DNA2: variants seen among roughly 807,000 people sequenced by gnomAD.
The protein encoded by DNA2 is DNA replication helicase/nuclease 2, also known as DNA replication ATP-dependent helicase/nuclease DNA2.
A neutral mutation model predicts 119.1 loss-of-function variants in DNA2; 101 were observed. The observed-to-expected ratio is 0.85, with a 90% confidence interval of 0.72 to 1.00. DNA2 has a LOEUF of 1.00. DNA2 is among the 50% of genes least tolerant of loss of function. The pLI is 0.00. For synonymous variants in DNA2, 366 were observed against 424.4 expected (o/e 0.86, Z 1.69); for missense variants, 1,121 against 1,255.5 (o/e 0.89, Z 1.62).
intron 5 of DNA2, among the ~76,000 whole-genome samples, chr10:68,452,301 G>A (rs1432204081): frequency 2.0e-5 from 3 of 152,032 alleles, no homozygotes; most frequent in African/African-American, 4.8e-5. Context: ...GCAACATGGT[G>A]AACTCAACCA....
At position 68,450,111 on chromosome 10, in the gene DNA2, G is replaced by C. The variant is rs1398180154; in HGVS notation, c.856C>G (p.Arg286Gly). ...IDVTVGVKIHRGYKTKYKIMP... is the reference protein window; with the variant it reads ...IDVTVGVKIHGGYKTKYKIMP... ...ATCTTGTATTTTGTTTTATACCCTCGATGTATTTTCACACCAACTGTAACA... is the reference window on the plus strand; with the variant it reads ...ATCTTGTATTTTGTTTTATACCCTCCATGTATTTTCACACCAACTGTAACA... The change falls in exon 6 of 21, where the codon CGA (arginine) becomes GGA (glycine). Residue 286 changes from arginine to glycine, a missense_variant. Arg to Gly is a moderately radical substitution (Grantham distance 125, BLOSUM62 -2). Transcript: ENST00000358410. The C allele has an allele frequency of 6.2e-7, 1 of 1,604,240 alleles. No individual in the cohort carries two copies. The highest frequency in any genetic ancestry group is 8.5e-7 in the Non-Finnish European group (1 of 1,174,854).
chr10:68,420,561 C>G (rs2051651240), intron 17 of DNA2, among the ~76,000 whole-genome samples: 1 of 150,980 alleles, frequency 6.6e-6, no homozygotes, highest in South Asian at 2.1e-4. Flanking sequence ...AAACTTAGAT[C>G]TGGGTCGTAT....
chr10:68,437,113 C>A lies in DNA2; in HGVS notation c.1544G>T (p.Gly515Val). The A allele has an allele frequency of 1.2e-6, 2 of 1,613,950 alleles. No individual in the cohort carries two copies. Among genetic ancestry groups the A allele is most frequent in the Non-Finnish European group, 1.7e-6 (2 of 1,179,882 alleles). The change falls in exon 10 of 21, where the codon GGT (glycine) becomes GTT (valine). Residue 515 changes from glycine (G) to valine (V), a missense_variant. Coordinates refer to ENST00000358410, the MANE Select transcript of DNA2 (RefSeq NM_001080449.3). ...TTCTCCACTTACAATAACTCTGTCA[C>A]CTGCCATTAGATTTGTGACAGGTAT... ...GAIPVTNLMA[G>V]DRVIVSGEER... is the part of the protein sequence containing the mutation.
chr10:68,446,270 TA>T (rs1458900914), intron 7 of DNA2, 25 bp downstream of exon 7: 9 of 1,321,996 alleles, frequency 6.8e-6, no homozygotes, highest in Non-Finnish European at 9.3e-6. Context: ...GGCAAAGAAG[TA>T]AAACTAAAAA....
chr10:68,427,917 T>C (rs924962963), intron 14 of DNA2, among the ~76,000 whole-genome samples: 14 of 150,232 alleles, frequency 9.3e-5, no homozygotes, highest in African/African-American at 3.4e-4. Flanking sequence ...CCTGTAATCC[T>C]AGCTACTCAG....
chr10:68,440,138 TA>T (rs2051948335), intron 9 of DNA2, among the ~76,000 whole-genome samples: 1 of 151,084 alleles, frequency 6.6e-6, no homozygotes, highest in Non-Finnish European at 1.5e-5. Context: ...ACCCCGTCTC[TA>T]CTAAAAATAC....
intron 10 of DNA2, among the ~76,000 whole-genome samples, chr10:68,436,376 A>G (rs2051888527): frequency 6.6e-6 from 1 of 152,232 alleles, no homozygotes; most frequent in East Asian, 1.9e-4. Context: ...GGATGAATCC[A>G]TACAGAAAGA....
intron 8 of DNA2, among the ~76,000 whole-genome samples, chr10:68,444,051 G>A (rs1269354757): frequency 6.6e-6 from 1 of 152,160 alleles, no homozygotes; most frequent in Non-Finnish European, 1.5e-5. Context: ...GAGGTCAGGA[G>A]TTCAAGACCA....
intron 5 of DNA2, among the ~76,000 whole-genome samples, chr10:68,452,685 C>T (rs1457411606): frequency 6.6e-6 from 1 of 151,674 alleles, no homozygotes; most frequent in East Asian, 1.9e-4. Flanking sequence ...GATCCTCCCG[C>T]CTCAGCCTTT....
chr10:68,446,171 A>C (rs1193820609), intron 7 of DNA2, 125 bp downstream of exon 7: 10 of 595,442 alleles, frequency 1.7e-5, no homozygotes, highest in Non-Finnish European at 2.6e-5. Context: ...AACAAAAAAA[A>C]CCCACAGCTA....
rs1273986626 is a variant in DNA2, at chr10:68,416,631, G to C, written c.3114+78C>G. 9 of 1,424,022 alleles carry C rather than the reference G, an allele frequency of 6.3e-6. No homozygotes were observed. In the Admixed American group the frequency reaches 1.6e-4, roughly 25 times the overall value. 88.2% of individuals were successfully genotyped at this position (1,424,022 alleles called of 1,614,324 possible). On this transcript the variant is annotated intron_variant, in intron 20 of 20. Coordinates refer to ENST00000358410, the MANE Select transcript of DNA2 (RefSeq NM_001080449.3). ...AAGACCAGCTTAAGCAACATAGTGA[G>C]AGCTTTAATTTAAACAAGCAAATAA...
intron 19 of DNA2, among the ~76,000 whole-genome samples, chr10:68,418,216 C>T (rs1015158597): frequency 6.6e-6 from 1 of 152,018 alleles, no homozygotes; most frequent in African/African-American, 2.4e-5. Flanking sequence ...GAGTTCGAGA[C>T]CAGCCTGGAC....
chr10:68,427,800 A>G lies in DNA2; in HGVS notation c.2208+2636T>C, dbSNP rs533709570. Among the ~76,000 whole-genome samples, 722 of 151,978 alleles carry G rather than the reference A, an allele frequency of 4.8e-3. 12 individuals are homozygous for G. Among genetic ancestry groups the G allele is most frequent in the African/African-American group, 0.017 (689 of 41,466 alleles). ...TCTAATCCCAGCACTTTGGGAGGCC[A>G]AGGCGGGTGGATCACGAGGTCGGGA... is the stretch of plus-strand genomic sequence containing the variant. On this transcript the variant is annotated intron_variant, in intron 14 of 20. Transcript: ENST00000358410.
rs376913588 is a variant in DNA2, at chr10:68,460,536, T to C, written c.588-1301A>G. Among the ~76,000 whole-genome samples, 7 of 151,484 alleles carry C rather than the reference T, an allele frequency of 4.6e-5. No homozygotes were observed. The East Asian group carries it at 1.2e-3, about 25-fold the overall frequency. On this transcript the variant is annotated intron_variant, in intron 4 of 20. Transcript: ENST00000358410. ...GATGCTCCTGCCTCAGTCCCCTGAG[T>C]AGCTGGAACCATAGACATATGACAC...
chr10:68,448,887 C>T (rs1422731038), intron 6 of DNA2, among the ~76,000 whole-genome samples: 1 of 152,230 alleles, frequency 6.6e-6, no homozygotes, highest in East Asian at 1.9e-4. Context: ...GAGCAATTCT[C>T]AGCCTCCCGA....
chr10:68,424,675 G>A lies in DNA2; in HGVS notation c.2209-1785C>T, dbSNP rs1026414022. 27 of 1,606,732 alleles carry A rather than the reference G, an allele frequency of 1.7e-5. No homozygotes were observed. In the Admixed American group the frequency reaches 2.3e-4, roughly 14 times the overall value. On this transcript the variant is annotated intron_variant, in intron 14 of 20. Coordinates refer to ENST00000358410, the MANE Select transcript of DNA2 (RefSeq NM_001080449.3). ...TCATCCCCGCTCTCCAAGGAGCTGC[G>A]GCAGAAGTACAATGTCCGCTCCACA... is the stretch of plus-strand genomic sequence containing the variant.
chr10:68,442,835 T>G (rs1029907803), intron 9 of DNA2, 82 bp downstream of exon 9: 2 of 1,157,804 alleles, frequency 1.7e-6, no homozygotes, highest in Admixed American at 5.5e-5. Context: ...CTTCATAACT[T>G]GTATTTGTCA....
chr10:68,420,250 T>A (rs1327606780), intron 17 of DNA2, among the ~76,000 whole-genome samples: 1 of 152,094 alleles, frequency 6.6e-6, no homozygotes, highest in Non-Finnish European at 1.5e-5. Context: ...CTATTTGAAC[T>A]TAGGGTGGCC....
chr10:68,424,709 C>A, intron 14 of DNA2: 3 of 1,603,906 alleles, frequency 1.9e-6, no homozygotes, highest in Non-Finnish European at 2.6e-6. Context: ...CACCCATCCG[C>A]AAGGACGACG....
Sources: gnomAD v4.1 joint callset for allele counts (sites outside exome capture counted in the v4.1 genomes callset) on GRCh38, gnomAD v4.1.1 for gene constraint, MANE v1.5 for transcripts, NCBI Gene and HGNC (gene_info 2026-07-23, HGNC 2026-07-21) for gene names.